Variants in PTPRD observed in about 807,000 individuals in gnomAD.
PTPRD encodes protein tyrosine phosphatase receptor type D, also known as receptor-type tyrosine-protein phosphatase delta.
A neutral mutation model predicts 214.5 loss-of-function variants in PTPRD; 34 were observed. The ratio of observed to expected loss-of-function variants is 0.16; its 90% CI spans 0.12 to 0.21. PTPRD has a LOEUF of 0.21. Among genes scored for constraint, PTPRD ranks in the 10% least tolerant of loss-of-function variants. The pLI is 1.00. For synonymous variants in PTPRD, 1,128 were observed against 845.7 expected, an observed-to-expected ratio of 1.33 and a Z score of -5.79; for missense variants, 2,545 against 2,398.7, an observed-to-expected ratio of 1.06 and a Z score of -1.27.
intron 14 of PTPRD, among the ~76,000 whole-genome samples, chr9:8,544,411 T>C (rs900304602): frequency 2.6e-5 from 4 of 151,098 alleles, no homozygotes; most frequent in African/African-American, 4.9e-5. Flanking sequence ...AAAACAGCAG[T>C]TGCTTTTGCC....
intron 2 of PTPRD, among the ~76,000 whole-genome samples, chr9:10,462,608 T>C (rs2098966823): frequency 6.6e-6 from 1 of 152,110 alleles, no homozygotes; most frequent in South Asian, 2.1e-4. Context: ...CATTTTTGTC[T>C]GGATAAGAGT....
At position 8,330,767 on chromosome 9, in the gene PTPRD, T is replaced by A. The variant is rs1045783100; in HGVS notation, c.5534+815A>T. 2.0e-5 allele frequency among the ~76,000 whole-genome samples: 3 copies of A among 152,264 alleles called. No individual in the cohort carries two copies. In the East Asian group the frequency reaches 5.8e-4, roughly 29 times the overall value. ...GTCTAATATTTGTCCTATTTTGAGA[T>A]CCTGCCTTCTATGTCGTAAAGAACT... On this transcript the variant is annotated intron_variant, in intron 44 of 45. Transcript: ENST00000381196.
intron 14 of PTPRD, among the ~76,000 whole-genome samples, chr9:8,612,338 G>T (rs1016774576): frequency 6.6e-6 from 1 of 152,124 alleles, no homozygotes; most frequent in Non-Finnish European, 1.5e-5. Context: ...ACTGAAAAAT[G>T]TTCATTTCAT....
chr9:8,806,530 C>A (rs1294528659), intron 11 of PTPRD, among the ~76,000 whole-genome samples: 1 of 152,136 alleles, frequency 6.6e-6, no homozygotes, highest in African/African-American at 2.4e-5. Flanking sequence ...ACATTGACTT[C>A]TATGAGTCAT....
chr9:9,917,425 ATACATTTT>A, intron 5 of PTPRD, among the ~76,000 whole-genome samples: 1 of 147,546 alleles, frequency 6.8e-6, no homozygotes, highest in Non-Finnish European at 1.5e-5. Flanking sequence ...CTACACTCCA[ATACATTTT>A]AAAATCCAGA....
chr9:9,483,116 C>T (rs1338592767), intron 8 of PTPRD, among the ~76,000 whole-genome samples: 4 of 152,038 alleles, frequency 2.6e-5, no homozygotes, highest in African/African-American at 2.4e-5. Context: ...AAGATCTATC[C>T]TTTAAAAGCA....
At chr9:9,538,726 T>C (rs1211290890) in intron 8 of PTPRD, among the ~76,000 whole-genome samples, 1 of 151,896 alleles carries the variant, frequency 6.6e-6, no homozygotes. Flanking sequence ...CGTCAATGAA[T>C]AGTTACCAAA....
At chr9:8,428,271 A>G (rs577891575) in intron 35 of PTPRD, among the ~76,000 whole-genome samples, 2 of 152,182 alleles carry the variant, frequency 1.3e-5, no homozygotes, top group African/African-American at 4.8e-5. Flanking sequence ...GAATTGGGCA[A>G]AGACTCTCCC....
chr9:8,868,341 G>A (rs942127711), intron 11 of PTPRD, among the ~76,000 whole-genome samples: 4 of 152,108 alleles, frequency 2.6e-5, no homozygotes, highest in South Asian at 2.1e-4. Context: ...TGGGATTAGG[G>A]GCATGTACCA....
intron 8 of PTPRD, among the ~76,000 whole-genome samples, chr9:9,525,731 A>T (rs1048766415): frequency 6.6e-6 from 1 of 152,122 alleles, no homozygotes; most frequent in Admixed American, 6.5e-5. Flanking sequence ...ATATCTAGAA[A>T]TATGTATAAA....
intron 11 of PTPRD, among the ~76,000 whole-genome samples, chr9:8,921,203 G>C (rs1418062528): frequency 6.6e-6 from 1 of 152,216 alleles, no homozygotes; most frequent in African/African-American, 2.4e-5. Context: ...TTAGAAGATA[G>C]TTGTACATTC....
At chr9:10,394,590 C>T (rs1044875161) in intron 2 of PTPRD, among the ~76,000 whole-genome samples, 8 of 151,816 alleles carry the variant, frequency 5.3e-5, no homozygotes, top group Admixed American at 1.3e-4. Flanking sequence ...TCCAAAACCA[C>T]GTAGTCTATC....
chr9:9,802,678 C>G (rs558075511), intron 5 of PTPRD, among the ~76,000 whole-genome samples: 1 of 151,912 alleles, frequency 6.6e-6, no homozygotes, highest in Admixed American at 6.6e-5. Flanking sequence ...TCTCCATACC[C>G]AGTATCCAGA....
chr9:8,720,421 C>A lies in PTPRD; in HGVS notation c.64+13359G>T, dbSNP rs376064044. On this transcript the variant is annotated intron_variant, in intron 12 of 45. Coordinates refer to ENST00000381196, the MANE Select transcript of PTPRD (RefSeq NM_002839.4). ...TGATCAAAGCCAGTCAGGGGACTAA[C>A]CCACATTCAAGGAGTGGGGAAACGG... Among the ~76,000 whole-genome samples the A allele has an allele frequency of 9.8e-5, 15 of 152,312 alleles. No homozygotes were observed. In the East Asian group the frequency reaches 1.7e-3, roughly 18 times the overall value.
intron 8 of PTPRD, among the ~76,000 whole-genome samples, chr9:9,403,446 A>C (rs1425012130): frequency 1.7e-5 from 2 of 121,060 alleles, no homozygotes; most frequent in South Asian, 5.4e-4. Flanking sequence ...CAGGAAGCAA[A>C]TCATATCCGA....
intron 3 of PTPRD, among the ~76,000 whole-genome samples, chr9:10,234,743 G>C (rs1173394846): frequency 6.6e-6 from 1 of 151,812 alleles, no homozygotes; most frequent in Non-Finnish European, 1.5e-5. Flanking sequence ...TCAAGATGAG[G>C]TTCGGTAGAG....
intron 4 of PTPRD, among the ~76,000 whole-genome samples, chr9:9,982,364 T>C (rs561466074): frequency 6.6e-6 from 1 of 152,312 alleles, no homozygotes; most frequent in Non-Finnish European, 1.5e-5. Flanking sequence ...CACAATTATT[T>C]ATGTGCTAGT....
At chr9:9,604,349 A>T (rs889581923) in intron 7 of PTPRD, among the ~76,000 whole-genome samples, 1 of 152,122 alleles carries the variant, frequency 6.6e-6, no homozygotes, top group African/African-American at 2.4e-5. Context: ...TATTCAACTT[A>T]AGCAAGGGTA....
At chr9:10,217,176 T>C (rs1173550498) in intron 3 of PTPRD, among the ~76,000 whole-genome samples, 1 of 151,832 alleles carries the variant, frequency 6.6e-6, no homozygotes, top group Non-Finnish European at 1.5e-5. Flanking sequence ...CTAAAGAAGT[T>C]GTATTTACTT....
Sources: allele counts gnomAD v4.1 joint callset (sites outside exome capture counted in the v4.1 genomes callset), GRCh38; gene constraint gnomAD v4.1.1; transcripts MANE v1.5; gene names NCBI Gene and HGNC (gene_info 2026-07-23, HGNC 2026-07-21).